DTNA: variants seen among roughly 807,000 people sequenced by gnomAD.
DTNA encodes the protein dystrobrevin alpha.
A neutral mutation model predicts 100.7 loss-of-function variants in DTNA; 43 were observed. The observed-to-expected ratio is 0.43, with a 90% CI of 0.33 to 0.55. The LOEUF (loss-of-function observed/expected upper bound fraction) is 0.55. DTNA is among the 20% of genes least tolerant of loss of function. DTNA has a pLI of 0.04. For missense variants in DTNA, 798 were observed against 953.9 expected (o/e 0.84, Z 2.15); for synonymous variants, 349 against 347.9 (o/e 1.00, Z -0.04).
chr18:34,855,637 G>C (rs2096543465), intron 15 of DTNA, among the ~76,000 whole-genome samples: 1 of 152,120 alleles, frequency 6.6e-6, no homozygotes, highest in South Asian at 2.1e-4. Flanking sequence ...AAAGAGAAGG[G>C]ATAAAACATC....
chr18:34,693,439 G>T (rs1473780476), intron 1 of DTNA, among the ~76,000 whole-genome samples: 1 of 152,044 alleles, frequency 6.6e-6, no homozygotes, highest in Admixed American at 6.6e-5. Flanking sequence ...TAGCAGCAAA[G>T]CCACAACTCA....
chr18:34,795,444 A>C (rs1181803197), intron 4 of DTNA, among the ~76,000 whole-genome samples: 4 of 152,202 alleles, frequency 2.6e-5, no homozygotes, highest in Non-Finnish European at 4.4e-5. Flanking sequence ...GGCTGTGCAC[A>C]CTTCAGAACG....
chr18:34,817,982 G>T, intron 7 of DTNA, 182 bp from the exon 8 acceptor site: 1 of 1,493,858 alleles, frequency 6.7e-7, no homozygotes, highest in Non-Finnish European at 8.9e-7. Flanking sequence ...TTCCCCACAG[G>T]CATGATTGAA....
chr18:34,528,648 A>T (rs1002755044), intron 1 of DTNA, among the ~76,000 whole-genome samples: 2 of 152,110 alleles, frequency 1.3e-5, no homozygotes, highest in Non-Finnish European at 2.9e-5. Flanking sequence ...CAGTTGGCTC[A>T]AGCTTCTGGG....
intron 13 of DTNA, 45 bp downstream of exon 13, chr18:34,838,882 A>C: frequency 6.4e-7 from 1 of 1,559,518 alleles, no homozygotes; most frequent in Non-Finnish European, 8.8e-7. Context: ...AGAGGGATAC[A>C]GTCTGAGCTG....
chr18:34,814,236 CA>C (rs1315637825), intron 6 of DTNA, among the ~76,000 whole-genome samples: 1 of 152,186 alleles, frequency 6.6e-6, no homozygotes, highest in Admixed American at 6.5e-5. Context: ...TGTATTACTT[CA>C]CCCAGTCATG....
In DTNA at chr18:34,889,903, A is replaced by G; in HGVS notation, c.*2169A>G. The stretch of plus-strand genomic sequence containing the variant: ...AATGTTCATCTCTTTTCCACTGCCC[A>G]TCCTCTGTGAACCCATACCTCTCTA... On this transcript the variant is annotated 3_prime_UTR_variant, in exon 23 of 23. Transcript: ENST00000444659. 2.0e-6 allele frequency: 2 copies of G among 1,008,002 alleles called. No individual in the cohort carries two copies. Among genetic ancestry groups the G allele is most frequent in the Non-Finnish European group, 2.4e-6 (2 of 844,202 alleles). The allele number at this position is 1,008,002 out of a possible 1,614,324, so 62.4% of individuals were successfully genotyped here.
At chr18:34,770,336 G>A (rs1461490207) in intron 3 of DTNA, among the ~76,000 whole-genome samples, 9 of 152,142 alleles carry the variant, frequency 5.9e-5, no homozygotes, top group African/African-American at 2.2e-4. Context: ...AACGGCTGTT[G>A]TAAAACTATC....
chr18:34,765,900 A>G, intron 2 of DTNA, 61 bp from the exon 3 acceptor site: 1 of 1,528,706 alleles, frequency 6.5e-7, no homozygotes, highest in Non-Finnish European at 9.0e-7. Context: ...TTATTTGTAA[A>G]CATTGTAAAT....
chr18:34,629,852 C>G lies in DTNA; in HGVS notation c.-1-126124C>G, dbSNP rs147790162. On this transcript the variant is annotated intron_variant, in intron 1 of 19. Transcript: ENST00000283365. ...TCCCGCAATCCTCCATACTGTCACT[C>G]TCTTCACTGAGCATCTCTCCTCTCC... Among the ~76,000 whole-genome samples the G allele has an allele frequency of 5.3e-5, 8 of 152,292 alleles. No individual in the cohort carries two copies. In the East Asian group the frequency reaches 5.8e-4, roughly 11 times the overall value.
chr18:34,886,943 G>T (rs80200341), intron 22 of DTNA, among the ~76,000 whole-genome samples: 1 of 152,148 alleles, frequency 6.6e-6, no homozygotes. Flanking sequence ...AAATATTTTT[G>T]TTTAGACTTT....
chr18:34,568,695 C>G (rs1405203510), intron 1 of DTNA, among the ~76,000 whole-genome samples: 1 of 152,162 alleles, frequency 6.6e-6, no homozygotes, highest in African/African-American at 2.4e-5. Context: ...ACGATCTTGG[C>G]TCATTGCAAC....
At chr18:34,863,923 G>T in intron 16 of DTNA, 43 bp from the exon 17 acceptor site, 1 of 1,559,820 alleles carries the variant, frequency 6.4e-7, no homozygotes, top group South Asian at 1.2e-5. Flanking sequence ...GATTAGCTCA[G>T]AGAGTTGCAT....
intron 15 of DTNA, among the ~76,000 whole-genome samples, chr18:34,857,615 T>C (rs1256989824): frequency 2.0e-5 from 3 of 152,172 alleles, no homozygotes; most frequent in Admixed American, 2.0e-4. Context: ...CCAATAGCAC[T>C]GTATGTCACA....
chr18:34,668,534 A>C (rs1389778261), intron 1 of DTNA, among the ~76,000 whole-genome samples: 1 of 151,678 alleles, frequency 6.6e-6, no homozygotes, highest in Non-Finnish European at 1.5e-5. Context: ...TCAATTTTAG[A>C]TCTTTCCTGC....
At chr18:34,675,557 T>G (rs190573329) in intron 1 of DTNA, among the ~76,000 whole-genome samples, 1 of 152,276 alleles carries the variant, frequency 6.6e-6, no homozygotes, top group African/African-American at 2.4e-5. Flanking sequence ...CAAATATTTA[T>G]AAGAAAAAGA....
chr18:34,782,786 TGC>T (rs1380324227), intron 3 of DTNA, among the ~76,000 whole-genome samples: 1 of 152,240 alleles, frequency 6.6e-6, no homozygotes, highest in Non-Finnish European at 1.5e-5. Flanking sequence ...CTGATTTTCA[TGC>T]TTAGCCTGTT....
intron 3 of DTNA, among the ~76,000 whole-genome samples, chr18:34,770,927 C>T (rs534851293): frequency 7.2e-5 from 11 of 151,748 alleles, no homozygotes; most frequent in South Asian, 4.2e-4. Flanking sequence ...GGATTACAGG[C>T]GTGCACCACC....
chr18:34,508,694 A>G (rs2040737050), intron 1 of DTNA, among the ~76,000 whole-genome samples: 1 of 152,190 alleles, frequency 6.6e-6, no homozygotes, highest in African/African-American at 2.4e-5. Context: ...ATAATTTTAC[A>G]CTTTCAACTA....
Sources: allele counts gnomAD v4.1 joint callset (sites outside exome capture counted in the v4.1 genomes callset), GRCh38; gene constraint gnomAD v4.1.1; transcripts MANE v1.5; gene names NCBI Gene and HGNC (gene_info 2026-07-23, HGNC 2026-07-21).